Variants in PAIP2B observed in about 807,000 individuals in gnomAD.
PAIP2B encodes the protein polyadenylate-binding protein-interacting protein 2B.
Under a neutral mutation model 17.0 loss-of-function variants are expected in PAIP2B, and 13 were observed. The ratio of observed to expected loss-of-function variants is 0.76; its 90% CI spans 0.50 to 1.22. The LOEUF is 1.22. Among genes scored for constraint, PAIP2B ranks in the 50% most tolerant of loss-of-function variants. The pLI is 0.00. For missense variants in PAIP2B, 117 were observed against 144.5 expected, an observed-to-expected ratio of 0.81 and a Z score of 0.98; for synonymous variants, 43 against 48.7, an observed-to-expected ratio of 0.88 and a Z score of 0.48.
chr2:71,189,790 C>A, intron 3 of PAIP2B, 55 bp downstream of exon 3: 1 of 1,455,190 alleles, frequency 6.9e-7, no homozygotes, highest in South Asian at 1.4e-5. Context: ...GTCTGTCATT[C>A]CAAATCCTAT....
intron 2 of PAIP2B, among the ~76,000 whole-genome samples, chr2:71,200,722 C>T (rs189878600): frequency 2.8e-4 from 43 of 152,084 alleles, no homozygotes; most frequent in African/African-American, 9.2e-4. Flanking sequence ...ACTGCACTCC[C>T]GCCTGGGTTA....
intron 1 of PAIP2B, among the ~76,000 whole-genome samples, chr2:71,219,442 C>T (rs1045728811): frequency 6.6e-6 from 1 of 151,950 alleles, no homozygotes; most frequent in African/African-American, 2.4e-5. Context: ...CAAAGCTGCC[C>T]CATATTCCTT....
At position 71,210,201 on chromosome 2, in the gene PAIP2B, C is replaced by T. The variant is rs192586737; in HGVS notation, c.-11-7601G>A. ...CCTTGTTTTACAAGATTTTCTTTTACTAAGTAAATAAACCCATCAGATTTT... is the reference window on the plus strand; with the variant it reads ...CCTTGTTTTACAAGATTTTCTTTTATTAAGTAAATAAACCCATCAGATTTT... On this transcript the variant is annotated intron_variant, in intron 1 of 3. Transcript: ENST00000244221. Among the ~76,000 whole-genome samples the T allele has an allele frequency of 1.7e-3, 259 of 152,068 alleles. 2 individuals are homozygous for T. Among genetic ancestry groups the T allele is most frequent in the Non-Finnish European group, 4.3e-4 (29 of 67,986 alleles).
At chr2:71,193,372 C>T (rs1438298665) in intron 2 of PAIP2B, among the ~76,000 whole-genome samples, 1 of 152,098 alleles carries the variant, frequency 6.6e-6, no homozygotes, top group Admixed American at 6.6e-5. Flanking sequence ...ATATTTCCTC[C>T]CTTTCTGTAG....
At chr2:71,192,645 A>C (rs1391534109) in intron 2 of PAIP2B, among the ~76,000 whole-genome samples, 1 of 152,000 alleles carries the variant, frequency 6.6e-6, no homozygotes, top group African/African-American at 2.4e-5. Context: ...GTGTTCATAA[A>C]TTCTTATCAT....
chr2:71,185,306 C>T lies in PAIP2B; in HGVS notation c.*3173G>A, dbSNP rs1351563110. 3 of 151,876 alleles carry T rather than the reference C, an allele frequency of 2.0e-5. No homozygotes were observed. Among genetic ancestry groups the T allele is most frequent in the Non-Finnish European group, 4.4e-5 (3 of 67,992 alleles). The allele number at this position is 151,876 out of a possible 1,614,324, so 9.4% of individuals were successfully genotyped here. On this transcript the variant is annotated 3_prime_UTR_variant, in exon 4 of 4. Coordinates refer to ENST00000244221, the MANE Select transcript of PAIP2B (RefSeq NM_020459.1). ...GGCTCACCACACCCAGCCTATAATC[C>T]CAGCACTTTGGGAGGCTGAGATGGG... is the stretch of plus-strand genomic sequence containing the variant.
intron 2 of PAIP2B, among the ~76,000 whole-genome samples, chr2:71,201,774 AG>A (rs1674990305): frequency 6.6e-6 from 1 of 152,250 alleles, no homozygotes; most frequent in South Asian, 2.1e-4. Flanking sequence ...TACAAAGTAT[AG>A]AAAAACAACC....
Position 71,187,091 on chromosome 2 carries a change from G to A in PAIP2B, c.*1388C>T, listed in dbSNP as rs1674560669. The A allele has an allele frequency of 6.6e-6, 1 of 152,196 alleles. No individual in the cohort carries two copies. The highest frequency in any genetic ancestry group is 2.1e-4 in the South Asian group (1 of 4,820). 9.4% of individuals were successfully genotyped at this position (152,196 alleles called of 1,614,324 possible). ...CAGAAAGAAGCCACTATTATCTTCA[G>A]GGCTCTCCAATTCCTCATCCCTGGG... On this transcript the variant is annotated 3_prime_UTR_variant, in exon 4 of 4. Transcript: ENST00000244221.
intron 1 of PAIP2B, among the ~76,000 whole-genome samples, chr2:71,215,935 T>C (rs1675420639): frequency 6.6e-6 from 1 of 152,214 alleles, no homozygotes; most frequent in South Asian, 2.1e-4. Context: ...ATTTTGGCCT[T>C]GATTTTTCAT....
intron 1 of PAIP2B, among the ~76,000 whole-genome samples, chr2:71,225,431 G>A (rs956543844): frequency 2.0e-5 from 3 of 152,138 alleles, no homozygotes; most frequent in African/African-American, 7.2e-5. Context: ...TGAACATGAT[G>A]TTAAACTCAT....
intron 2 of PAIP2B, among the ~76,000 whole-genome samples, chr2:71,201,228 A>T (rs1164854873): frequency 1.3e-5 from 2 of 152,230 alleles, no homozygotes; most frequent in African/African-American, 4.8e-5. Flanking sequence ...GTGAGTGTTA[A>T]CAAAGCTAGT....
chr2:71,217,687 C>T (rs893757924), intron 1 of PAIP2B, among the ~76,000 whole-genome samples: 9 of 152,166 alleles, frequency 5.9e-5, no homozygotes, highest in African/African-American at 2.2e-4. Flanking sequence ...CAAAAGTCCT[C>T]AAACCTCAGA....
chr2:71,202,290 G>C (rs1479058753), intron 2 of PAIP2B, among the ~76,000 whole-genome samples, 162 bp downstream of exon 2: 2 of 152,196 alleles, frequency 1.3e-5, no homozygotes, highest in Non-Finnish European at 2.9e-5. Context: ...ACCAGATGAA[G>C]ATGTTTCTTG....
In PAIP2B at chr2:71,187,554, A is replaced by G. The variant is rs992283330; in HGVS notation, c.*925T>C. ...GAAGACCAAGTGTTGATGAGGCTGG[A>G]AAAAAAAACTGTCCAAATAAAATTA... On this transcript the variant is annotated 3_prime_UTR_variant, in exon 4 of 4. Coordinates refer to ENST00000244221, the MANE Select transcript of PAIP2B (RefSeq NM_020459.1). The G allele has an allele frequency of 2.6e-5, 4 of 151,698 alleles. No homozygotes were observed. Among genetic ancestry groups the G allele is most frequent in the Non-Finnish European group, 5.9e-5 (4 of 67,910 alleles). The allele number at this position is 151,698 out of a possible 1,614,324, so 9.4% of individuals were successfully genotyped here. A position where few individuals can be genotyped will look rare whatever the true frequency, so the allele number is the denominator to read the frequency against.
intron 2 of PAIP2B, among the ~76,000 whole-genome samples, chr2:71,192,102 C>T (rs1674701341): frequency 6.6e-6 from 1 of 152,180 alleles, no homozygotes. Context: ...AATTTCCTCA[C>T]CTTTTCCCAT....
chr2:71,198,473 G>C lies in PAIP2B; in HGVS notation c.138+3979C>G, dbSNP rs1438944470. ...GCTAATTTTTTGTATTTTTAGTAGA[G>C]ACGGGGTTTCACCGTGTTAGCCAGG... On this transcript the variant is annotated intron_variant, in intron 2 of 3. Transcript: ENST00000244221. 2.0e-5 allele frequency among the ~76,000 whole-genome samples: 3 copies of C among 148,596 alleles called. No individual in the cohort carries two copies. In the East Asian group the frequency reaches 5.8e-4, roughly 29 times the overall value.
chr2:71,184,251 T>C lies in PAIP2B; in HGVS notation c.*4228A>G, dbSNP rs187556921. On this transcript the variant is annotated 3_prime_UTR_variant, in exon 4 of 4. Coordinates refer to ENST00000244221, the MANE Select transcript of PAIP2B (RefSeq NM_020459.1). ...TAGTAACACAATCTGAGGGAGCTTT[T>C]TCTTTTGAAATAAAGATGGTGCATC... 3.3e-5 allele frequency: 5 copies of C among 152,362 alleles called. No individual in the cohort carries two copies. The highest frequency in any genetic ancestry group is 2.9e-5 in the Non-Finnish European group (2 of 68,034). The allele number at this position is 152,362 out of a possible 1,614,324, so 9.4% of individuals were successfully genotyped here. A position where few individuals can be genotyped will look rare whatever the true frequency, so the allele number is the denominator to read the frequency against.
intron 1 of PAIP2B, among the ~76,000 whole-genome samples, chr2:71,217,974 G>A (rs1254105376): frequency 2.0e-5 from 3 of 151,996 alleles, no homozygotes; most frequent in Non-Finnish European, 2.9e-5. Context: ...AGGCTGAGGC[G>A]GGAAAATCAC....
At chr2:71,190,077 C>T (rs1674648289) in intron 2 of PAIP2B, 56 bp from the exon 3 acceptor site, 10 of 1,495,152 alleles carry the variant, frequency 6.7e-6, no homozygotes, top group Non-Finnish European at 9.0e-6. Flanking sequence ...CTTACCCCTT[C>T]CAGTTTTTCC....
Sources: allele counts gnomAD v4.1 joint callset (sites outside exome capture counted in the v4.1 genomes callset), GRCh38; gene constraint gnomAD v4.1.1; transcripts MANE v1.5; gene names NCBI Gene and HGNC (gene_info 2026-07-23, HGNC 2026-07-21).